Variants in PCDHA6 observed in about 807,000 individuals in gnomAD.
PCDHA6 encodes protocadherin alpha-6.
In PCDHA6, 55 loss-of-function variants were observed where a neutral mutation model predicts 60.3. That is an observed-to-expected ratio of 0.91 (90% CI 0.73 to 1.14). The LOEUF is 1.14. PCDHA6 is among the 50% of genes most tolerant of loss of function. The pLI, the probability that PCDHA6 is intolerant of heterozygous loss-of-function variation, is 0.00. For missense variants in PCDHA6, 1,327 were observed against 1,256.5 expected, an observed-to-expected ratio of 1.06 and a Z score of -0.85; for synonymous variants, 652 against 557.9, an observed-to-expected ratio of 1.17 and a Z score of -2.38.
At chr5:140,985,938 A>G (rs960910585) in intron 3 of PCDHA6, among the ~76,000 whole-genome samples, 8 of 151,748 alleles carry the variant, frequency 5.3e-5, no homozygotes, top group Non-Finnish European at 8.8e-5. Context: ...CCGGGGTTTC[A>G]CTGTGTTAGC....
intron 3 of PCDHA6, among the ~76,000 whole-genome samples, chr5:140,991,686 A>G (rs2097465682): frequency 6.6e-6 from 1 of 152,196 alleles, no homozygotes; most frequent in Non-Finnish European, 1.5e-5. Context: ...AGTCCTCTCT[A>G]GTAGAGCCAT....
chr5:140,842,857 G>A, intron 1 of PCDHA6: 1 of 1,594,002 alleles, frequency 6.3e-7, no homozygotes, highest in East Asian at 2.2e-5. Context: ...CGGTGCACAC[G>A]GAGAGCGGCA....
At chr5:140,856,077 T>A in intron 1 of PCDHA6, 1 of 1,593,712 alleles carries the variant, frequency 6.3e-7, no homozygotes, top group South Asian at 1.1e-5. Flanking sequence ...TGCCTGGGGG[T>A]CCAGTGTCTG....
chr5:141,004,591 A>G (rs1277305361), intron 3 of PCDHA6, among the ~76,000 whole-genome samples: 3 of 152,222 alleles, frequency 2.0e-5, no homozygotes, highest in Non-Finnish European at 2.9e-5. Context: ...TCTCCAGATG[A>G]CAGTGCTTAG....
At chr5:140,875,543 G>A in intron 1 of PCDHA6, 1 of 1,614,164 alleles carries the variant, frequency 6.2e-7, no homozygotes, top group Non-Finnish European at 8.5e-7. Flanking sequence ...CTTGCAGCCT[G>A]GGAGGTGGGG....
intron 1 of PCDHA6, among the ~76,000 whole-genome samples, chr5:140,965,185 C>T (rs1348990210): frequency 6.6e-6 from 1 of 152,138 alleles, no homozygotes; most frequent in Non-Finnish European, 1.5e-5. Flanking sequence ...TTTTTTTGCA[C>T]ATGAGGCAAT....
intron 1 of PCDHA6, among the ~76,000 whole-genome samples, chr5:140,910,994 CT>C (rs1312142604): frequency 2.0e-5 from 3 of 152,222 alleles, no homozygotes; most frequent in African/African-American, 7.2e-5. Flanking sequence ...AACCTCACCC[CT>C]AGGGCCCTCC....
intron 1 of PCDHA6, chr5:140,966,401 C>G (rs1218132824): frequency 2.5e-6 from 1 of 404,878 alleles, no homozygotes; most frequent in African/African-American, 2.1e-5. Flanking sequence ...CACTTCGGCG[C>G]GGAATCAGAG....
rs782034471 is a variant in PCDHA6 at position 141,010,170 on chromosome 5, T to G, written c.*233T>G. ...TCCACTCTGGCTTGTTTTCAGAACCTAAAAAGCAGACCCAAGTTTCCTTTC... is the reference window on the plus strand; with the variant it reads ...TCCACTCTGGCTTGTTTTCAGAACCGAAAAAGCAGACCCAAGTTTCCTTTC... On this transcript the variant is annotated 3_prime_UTR_variant, in exon 4 of 4. Transcript: ENST00000529310. 6.4e-7 allele frequency: 1 copy of G among 1,559,590 alleles called. No individual in the cohort carries two copies.
intron 1 of PCDHA6, among the ~76,000 whole-genome samples, chr5:140,940,102 T>C (rs1372400488): frequency 2.0e-5 from 3 of 152,228 alleles, no homozygotes; most frequent in African/African-American, 7.2e-5. Context: ...ACTTTTAGCG[T>C]TATGTATTAT....
chr5:140,863,170 A>G (rs1458621286), intron 1 of PCDHA6: 2 of 688,322 alleles, frequency 2.9e-6, no homozygotes, highest in African/African-American at 1.8e-5. Flanking sequence ...GCTGGCGCTG[A>G]CTGCCACCGT....
At chr5:140,853,934 C>A in intron 1 of PCDHA6, 1 of 864,496 alleles carries the variant, frequency 1.2e-6, no homozygotes, top group Non-Finnish European at 1.4e-6. Flanking sequence ...TTTGGGAGGC[C>A]AAGGTGGGAG....
At chr5:141,001,452 A>G (rs2098018922) in intron 3 of PCDHA6, among the ~76,000 whole-genome samples, 1 of 152,196 alleles carries the variant, frequency 6.6e-6, no homozygotes, top group Admixed American at 6.5e-5. Context: ...TCCACTGTCA[A>G]TTGAAGGACT....
intron 1 of PCDHA6, among the ~76,000 whole-genome samples, chr5:140,896,881 A>C (rs1436700773): frequency 9.9e-5 from 15 of 152,204 alleles, no homozygotes; most frequent in Non-Finnish European, 1.3e-4. Context: ...TTTATGGGGT[A>C]TATGAGACAT....
At chr5:140,842,951 C>T in intron 1 of PCDHA6, 2 of 1,594,846 alleles carry the variant, frequency 1.3e-6, no homozygotes, top group Non-Finnish European at 1.7e-6. Context: ...GGGCGTGCCG[C>T]CTCTGGGCAG....
At chr5:140,841,052 T>A (rs114871325) in intron 1 of PCDHA6, 33 of 431,510 alleles carry the variant, frequency 7.6e-5, no homozygotes, top group Middle Eastern at 1.2e-3. Context: ...GGATTTACTA[T>A]TAAATTATGA....
At chr5:140,955,241 A>T (rs1554221829) in intron 1 of PCDHA6, among the ~76,000 whole-genome samples, 1 of 152,114 alleles carries the variant, frequency 6.6e-6, no homozygotes, top group East Asian at 1.9e-4. Context: ...TTTGCTTAGG[A>T]TCGGCTTGGC....
chr5:140,837,353 A>G (rs1415988517), intron 1 of PCDHA6, among the ~76,000 whole-genome samples: 12 of 152,028 alleles, frequency 7.9e-5, no homozygotes, highest in Non-Finnish European at 5.9e-5. Flanking sequence ...AATAGTTTAA[A>G]TGGCAGTTTA....
intron 1 of PCDHA6, among the ~76,000 whole-genome samples, chr5:140,887,600 G>A (rs1306659335): frequency 6.6e-6 from 1 of 151,812 alleles, no homozygotes; most frequent in African/African-American, 2.4e-5. Context: ...TGATTGTGAT[G>A]TGCTTTAGTA....
Sources: allele counts gnomAD v4.1 joint callset (sites outside exome capture counted in the v4.1 genomes callset), GRCh38; gene constraint gnomAD v4.1.1; transcripts MANE v1.5; gene names NCBI Gene and HGNC (gene_info 2026-07-23, HGNC 2026-07-21).